The following CRYBG2 variants were observed in gnomAD, a reference collection of about 807,000 sequenced individuals.
CRYBG2 encodes the protein crystallin beta-gamma domain containing 2.
In CRYBG2, 106 loss-of-function variants were observed where a neutral mutation model predicts 153.4. The ratio of observed to expected loss-of-function variants is 0.69; its 90% CI spans 0.59 to 0.81. The LOEUF is 0.81. Ranked by LOEUF, CRYBG2 falls within the 30% of genes least tolerant of loss-of-function variation. The pLI is 0.00. For synonymous variants in CRYBG2, 851 were observed against 877.8 expected (o/e 0.97, Z 0.54); for missense variants, 1,996 against 2,112.0 (o/e 0.95, Z 1.08).
At chr1:26,347,497 TA>T (rs1220860038) in intron 1 of CRYBG2, among the ~76,000 whole-genome samples, 2 of 151,344 alleles carry the variant, frequency 1.3e-5, no homozygotes, top group Admixed American at 6.6e-5. Flanking sequence ...TTTATTTATT[TA>T]TTTTTTTTGA....
Position 26,328,286 on chromosome 1 carries a change from C to G in CRYBG2, c.4501G>C (p.Val1501Leu), listed in dbSNP as rs763299287. The G allele has an allele frequency of 2.4e-5, 37 of 1,570,732 alleles. No individual in the cohort carries two copies. The highest frequency in any genetic ancestry group is 3.1e-5 in the Non-Finnish European group (36 of 1,157,444). ...CAGTTGGTGATCTCGCAGCTTCCCACCAGCCACTGGCGGCCCCGGAAGTCA... is the reference window on the plus strand; with the variant it reads ...CAGTTGGTGATCTCGCAGCTTCCCAGCAGCCACTGGCGGCCCCGGAAGTCA... ...HSDFRGRQWL[V>L]GSCEITNWLT... is the part of the protein sequence containing the mutation. The change falls in exon 17 of 20, where the codon GTG becomes CTG. Residue 1501 changes from valine to leucine, a missense_variant. Val to Leu is a conservative substitution (Grantham distance 32, BLOSUM62 1). Coordinates refer to ENST00000308182, the MANE Select transcript of CRYBG2 (RefSeq NM_001039775.4).
chr1:26,323,122 C>A (rs1296638862), intron 18 of CRYBG2, among the ~76,000 whole-genome samples: 1 of 151,868 alleles, frequency 6.6e-6, no homozygotes, highest in Non-Finnish European at 1.5e-5. Context: ...CCTCTGTTGC[C>A]CAGGCTGGTG....
At position 26,331,597 on chromosome 1, in the gene CRYBG2, C is replaced by T. The variant is rs756503684; in HGVS notation, c.4206G>A (p.Thr1402=). 1.7e-5 allele frequency: 27 copies of T among 1,613,864 alleles called. No homozygotes were observed. Among genetic ancestry groups the T allele is most frequent in the Non-Finnish European group, 2.1e-5 (25 of 1,180,022 alleles). ...HGGSWILFDE[T]NFEGDQHILS... ...GAATGTGCTGGTCACCCTCGAAGTTCGTCTCATCAAACAGGATCCAGCTAG... is the reference window on the plus strand; with the variant it reads ...GAATGTGCTGGTCACCCTCGAAGTTTGTCTCATCAAACAGGATCCAGCTAG... The change falls in exon 15 of 20, where the codon ACG becomes ACA. Residue 1402 remains threonine, a synonymous_variant. Coordinates refer to ENST00000308182, the MANE Select transcript of CRYBG2 (RefSeq NM_001039775.4).
rs1228286408 is a variant in CRYBG2 at position 26,336,256 on chromosome 1, C to T, written c.4072-49G>A. On this transcript the variant is annotated intron_variant, in intron 13 of 19. Coordinates refer to ENST00000308182, the MANE Select transcript of CRYBG2 (RefSeq NM_001039775.4). This position sits in a 1 kb window ranked among gnomAD's most constrained non-coding sequence, Gnocchi z 4.9. ...GGGGAAGGAGGACGATGGAGTGGGG[C>T]CGAGAACAGCGGGGAGGGGAAAGGT... The T allele has an allele frequency of 6.3e-7, 1 of 1,590,796 alleles. No individual in the cohort carries two copies. The highest frequency in any genetic ancestry group is 1.7e-4 in the Middle Eastern group (1 of 6,036).
chr1:26,339,014 C>T (rs957509372), intron 6 of CRYBG2, among the ~76,000 whole-genome samples: 1 of 152,230 alleles, frequency 6.6e-6, no homozygotes, highest in Non-Finnish European at 1.5e-5. Flanking sequence ...AATCTCTGCC[C>T]TCATGGAGCT....
In CRYBG2 at chr1:26,346,648, C is replaced by T; in HGVS notation, c.10G>A (p.Ala4Thr). The T allele has an allele frequency of 6.5e-7, 1 of 1,537,252 alleles. No individual in the cohort carries two copies. The highest frequency in any genetic ancestry group is 8.8e-7 in the Non-Finnish European group (1 of 1,140,962). The change falls in exon 2 of 20, where the codon GCA becomes ACA. Residue 4 changes from alanine (A) to threonine (T), a missense_variant. Physicochemically the swap from Ala to Thr is moderately conservative, Grantham distance 58. Coordinates refer to ENST00000308182, the MANE Select transcript of CRYBG2 (RefSeq NM_001039775.4). This position sits in a 1 kb window ranked among gnomAD's most constrained non-coding sequence, Gnocchi z 4.9. ...TTGGCCCGGGCCATGGGCCCACCTG[C>T]CTCCTCCATGTGGGGCCCTGGCAAC... is the stretch of plus-strand genomic sequence containing the variant. Reference protein sequence around the residue: MEEAGGPMARAKAR... With the variant: MEETGGPMARAKAR...
rs777660317 is a variant in CRYBG2 at position 26,339,400 on chromosome 1, G to C, written c.3234C>G (p.Phe1078Leu). ...GCTCCCCCTTGAGGCCCTCCTCAGA[G>C]AAGAGGCTGATTTCCGGGGTGCTGT... ...WDYSTPEISL[F>L]SEEGLKGEQV... Residue 1078 changes from phenylalanine (F) to leucine (L), a missense_variant, in exon 6 of 20, where the codon TTC becomes TTG. Transcript: ENST00000308182. The C allele has an allele frequency of 9.3e-6, 15 of 1,614,082 alleles. No homozygotes were observed. In the East Asian group the frequency reaches 3.3e-4, roughly 36 times the overall value.
Position 26,346,819 on chromosome 1 carries a change from G to A in CRYBG2, c.-55-107C>T, listed in dbSNP as rs2074229005. On this transcript the variant is annotated intron_variant, in intron 1 of 19. Coordinates refer to ENST00000308182, the MANE Select transcript of CRYBG2 (RefSeq NM_001039775.4). The surrounding 1 kb of genome is among the most constrained non-coding windows in gnomAD (Gnocchi z 4.9). ...TCAGGCTGGGAACCTCAGGCAAATC[G>A]CTTGGCCTTTTTGGGCCATTGCTTT... 3 of 706,470 alleles carry A rather than the reference G, an allele frequency of 4.2e-6. No individual in the cohort carries two copies. The highest frequency in any genetic ancestry group is 1.8e-5 in the African/African-American group (1 of 56,006). 43.8% of individuals were successfully genotyped at this position (706,470 alleles called of 1,614,324 possible). A position where few individuals can be genotyped will look rare whatever the true frequency, so the allele number is the denominator to read the frequency against.
Position 26,345,613 on chromosome 1 carries a change from C to T in CRYBG2, c.1045G>A (p.Ala349Thr). ...ELPLQTSQGQASVPSSPRLET... is the reference protein window; with the variant it reads ...ELPLQTSQGQTSVPSSPRLET... ...AGTCTGGGAGAGGAGGGGACTGATG[C>T]TTGACCCTGAGAAGTCTGGAGAGGG... Residue 349 changes from alanine to threonine, a missense_variant, in exon 2 of 20, where the codon GCA becomes ACA. Ala to Thr is a moderately conservative substitution (Grantham distance 58, BLOSUM62 0). Coordinates refer to ENST00000308182, the MANE Select transcript of CRYBG2 (RefSeq NM_001039775.4). The T allele has an allele frequency of 6.2e-7, 1 of 1,600,038 alleles. No individual in the cohort carries two copies. Among genetic ancestry groups the T allele is most frequent in the African/African-American group, 1.3e-5 (1 of 75,040 alleles).
Position 26,338,361 on chromosome 1 carries a change from G to T in CRYBG2, c.3461C>A (p.Pro1154His), listed in dbSNP as rs757548112. The T allele has an allele frequency of 6.2e-7, 1 of 1,604,420 alleles. No homozygotes were observed. Among genetic ancestry groups the T allele is most frequent in the Non-Finnish European group, 8.5e-7 (1 of 1,176,232 alleles). ...TGCCCTGTTCTTTACCAATCTCATG[G>T]GCTTCAGGGAGCCCACGCTGGGGTC... Reference protein sequence around the residue: ...TSDPSVGSLKPMRLGCPSVEK... With the variant: ...TSDPSVGSLKHMRLGCPSVEK... Residue 1154 changes from proline (P) to histidine (H), a missense_variant, in exon 7 of 20, where the codon CCC (proline) becomes CAC (histidine). Coordinates refer to ENST00000308182, the MANE Select transcript of CRYBG2 (RefSeq NM_001039775.4).
At position 26,344,441 on chromosome 1, in the gene CRYBG2, G is replaced by A; in HGVS notation, c.2217C>T (p.Val739=). Residue 739 remains valine, a synonymous_variant, in exon 2 of 20, where the codon GTC becomes GTT. Transcript: ENST00000308182. ...ACGTCTTGCCCTCGGTGGGATCAGA[G>A]ACAAGCTGGGACTCCGTGCTGGCCT... ...GAEASTESQL[V]SDPTEGKTCT... 6.6e-7 allele frequency: 1 copy of A among 1,525,196 alleles called. No homozygotes were observed. The highest frequency in any genetic ancestry group is 8.8e-7 in the Non-Finnish European group (1 of 1,133,022). 94.5% of individuals were successfully genotyped at this position (1,525,196 alleles called of 1,614,324 possible).
At position 26,345,763 on chromosome 1, in the gene CRYBG2, T is replaced by C; in HGVS notation, c.895A>G (p.Ser299Gly). ...SALASTGIPASAHLPKNQDAP... is the reference protein window; with the variant it reads ...SALASTGIPAGAHLPKNQDAP... ...TCCTGATTCTTAGGCAGGTGAGCAC[T>C]GGCTGGGATGCCTGTAGAGGCCAGG... Residue 299 changes from serine (S) to glycine (G), a missense_variant, in exon 2 of 20, where the codon AGT becomes GGT. Transcript: ENST00000308182. The C allele has an allele frequency of 6.3e-7, 1 of 1,597,334 alleles. No homozygotes were observed. The highest frequency in any genetic ancestry group is 8.5e-7 in the Non-Finnish European group (1 of 1,179,308).
intron 17 of CRYBG2, chr1:26,326,981 A>T (rs2073933661): frequency 4.0e-6 from 2 of 506,160 alleles, no homozygotes; most frequent in Admixed American, 4.1e-5. Context: ...CTTATGCAGC[A>T]GCTAAAAATC....
rs930717271 is a variant in CRYBG2 at position 26,336,025 on chromosome 1, G to A, written c.4184+70C>T. The A allele has an allele frequency of 7.9e-7, 1 of 1,258,748 alleles. No individual in the cohort carries two copies. The highest frequency in any genetic ancestry group is 1.1e-6 in the Non-Finnish European group (1 of 929,880). The allele number at this position is 1,258,748 out of a possible 1,614,324, so 78.0% of individuals were successfully genotyped here. A position where few individuals can be genotyped will look rare whatever the true frequency, so the allele number is the denominator to read the frequency against. ...GGTAGCCAAAGGAAGGAAATCATTT[G>A]AAAGACTCTCCTCCTGCAGCCCCGC... On this transcript the variant is annotated intron_variant, in intron 14 of 19. Transcript: ENST00000308182. This position sits in a 1 kb window ranked among gnomAD's most constrained non-coding sequence, Gnocchi z 4.9.
rs1418899091 is a variant in CRYBG2, at chr1:26,343,126, T to C, written c.2995A>G (p.Ser999Gly). The C allele has an allele frequency of 2.6e-6, 4 of 1,550,528 alleles. No homozygotes were observed. The South Asian group carries it at 4.8e-5, about 18-fold the overall frequency. Reference protein sequence around the residue: ...IFFSESGCQGSGREVWGDIVD... With the variant: ...IFFSESGCQGGGREVWGDIVD... Reference sequence around the variant, plus strand: ...ATGTCTCCCCAGACCTCCCTGCCACTGCCTTGGCAGCCAGACTCTGAGAAG... The same window carrying C: ...ATGTCTCCCCAGACCTCCCTGCCACCGCCTTGGCAGCCAGACTCTGAGAAG... The change falls in exon 4 of 20, where the codon AGT (serine) becomes GGT (glycine). Residue 999 changes from serine to glycine, a missense_variant. Coordinates refer to ENST00000308182, the MANE Select transcript of CRYBG2 (RefSeq NM_001039775.4). The surrounding 1 kb of genome is among the most constrained non-coding windows in gnomAD (Gnocchi z 4.1).
At chr1:26,350,017 G>A (rs1193451489) in intron 1 of CRYBG2, among the ~76,000 whole-genome samples, 2 of 151,920 alleles carry the variant, frequency 1.3e-5, no homozygotes, top group Non-Finnish European at 2.9e-5. Flanking sequence ...GTTTCACTAT[G>A]TTGCCCAGTC....
chr1:26,348,600 G>A (rs111684626), intron 1 of CRYBG2, among the ~76,000 whole-genome samples: 58,101 of 151,718 alleles, frequency 0.38, 11,761 homozygotes, highest in Middle Eastern at 0.48. Context: ...CTGTCGCCCA[G>A]GCTGGAGTGC....
intron 19 of CRYBG2, 53 bp downstream of exon 19, chr1:26,322,110 CT>C: frequency 1.9e-6 from 3 of 1,598,410 alleles, no homozygotes; most frequent in Non-Finnish European, 2.6e-6. Flanking sequence ...AGAGCTGGGA[CT>C]CCATGGCTCT....
At chr1:26,352,980 C>T (rs773439092) in intron 1 of CRYBG2, among the ~76,000 whole-genome samples, 7 of 152,118 alleles carry the variant, frequency 4.6e-5, no homozygotes, top group South Asian at 4.2e-4. Context: ...CCCAATCCAC[C>T]GCCATAGGAG....
Sources: allele counts gnomAD v4.1 joint callset (sites outside exome capture counted in the v4.1 genomes callset), GRCh38; gene constraint gnomAD v4.1.1; non-coding constraint Gnocchi (gnomAD v3.1); transcripts MANE v1.5; gene names NCBI Gene and HGNC (gene_info 2026-07-23, HGNC 2026-07-21).